ZDHHC21: variants seen among roughly 807,000 people sequenced by gnomAD.
The protein encoded by ZDHHC21 is palmitoyltransferase ZDHHC21.
A neutral mutation model predicts 34.6 loss-of-function variants in ZDHHC21; 15 were observed. The observed-to-expected ratio is 0.43, with a 90% CI of 0.29 to 0.67. The LOEUF is 0.67. ZDHHC21 is among the 30% of genes least tolerant of loss of function. The pLI is 0.14. For synonymous variants in ZDHHC21, 142 were observed against 101.8 expected, an observed-to-expected ratio of 1.40 and a Z score of -2.38; for missense variants, 344 against 327.7, an observed-to-expected ratio of 1.05 and a Z score of -0.38.
chr9:14,683,288 T>C (rs1479783975), intron 2 of ZDHHC21, among the ~76,000 whole-genome samples: 2 of 151,144 alleles, frequency 1.3e-5, no homozygotes, highest in South Asian at 2.1e-4. Context: ...ATCAACAAAA[T>C]TGATAGACCG....
chr9:14,592,468 C>T, the ZDHHC21 span, among the ~76,000 whole-genome samples: 2 of 152,068 alleles, frequency 1.3e-5, no homozygotes, highest in African/African-American at 4.8e-5. Flanking sequence ...GTCAGGACCA[C>T]ATAGCAATTA....
intron 5 of ZDHHC21, among the ~76,000 whole-genome samples, chr9:14,670,596 A>C (rs1254094828): frequency 6.6e-6 from 1 of 151,284 alleles, no homozygotes; most frequent in Non-Finnish European, 1.5e-5. Flanking sequence ...CTTTATAGTA[A>C]AGAAGAATTT....
the ZDHHC21 span, among the ~76,000 whole-genome samples, chr9:14,597,918 T>C: frequency 6.6e-6 from 1 of 152,004 alleles, no homozygotes; most frequent in Non-Finnish European, 1.5e-5. Context: ...ACCATCAACA[T>C]GCCCTCCCCC....
intron 7 of ZDHHC21, among the ~76,000 whole-genome samples, chr9:14,641,187 G>C (rs1829313124): frequency 6.6e-6 from 1 of 152,054 alleles, no homozygotes; most frequent in Admixed American, 6.5e-5. Context: ...GTATTATATT[G>C]AGTCACCACC....
chr9:14,685,068 A>C (rs1838068985), intron 2 of ZDHHC21, among the ~76,000 whole-genome samples: 1 of 152,222 alleles, frequency 6.6e-6, no homozygotes, highest in South Asian at 2.1e-4. Context: ...TGGATTAAAG[A>C]CTTACATGTT....
chr9:14,633,269 C>T (rs1339786595), intron 8 of ZDHHC21, among the ~76,000 whole-genome samples: 2 of 152,168 alleles, frequency 1.3e-5, no homozygotes, highest in East Asian at 1.9e-4. Flanking sequence ...CAAGGACTGA[C>T]AGGAAAGCAA....
chr9:14,592,856 C>T, the ZDHHC21 span, among the ~76,000 whole-genome samples: 1 of 152,194 alleles, frequency 6.6e-6, no homozygotes, highest in Non-Finnish European at 1.5e-5. Flanking sequence ...AAATCAACAG[C>T]AGAAACAAAT....
the ZDHHC21 span, among the ~76,000 whole-genome samples, chr9:14,597,074 C>G: frequency 6.6e-6 from 1 of 152,196 alleles, no homozygotes; most frequent in Non-Finnish European, 1.5e-5. Flanking sequence ...TCAGCCCTCA[C>G]AGGCCCTGAG....
At chr9:14,658,944 G>A in intron 6 of ZDHHC21, 57 bp from the exon 7 acceptor site, 1 of 1,528,612 alleles carries the variant, frequency 6.5e-7, no homozygotes. Context: ...GTTCACCTCA[G>A]GATCAATAAG....
At chr9:14,623,526 C>T (rs1395219219) in intron 8 of ZDHHC21, among the ~76,000 whole-genome samples, 1 of 149,648 alleles carries the variant, frequency 6.7e-6, no homozygotes, top group Non-Finnish European at 1.5e-5. Context: ...GAAATCCTGT[C>T]TCTTAAAAAA....
chr9:14,612,546 C>T lies in ZDHHC21; in HGVS notation c.*6420G>A, dbSNP rs1290495659. ...CATTTTTGTAAAATTAACTACTAAGCAAAATTAGTTTTAAAAATCTTACTC... is the reference window on the plus strand; with the variant it reads ...CATTTTTGTAAAATTAACTACTAAGTAAAATTAGTTTTAAAAATCTTACTC... On this transcript the variant is annotated 3_prime_UTR_variant, in exon 10 of 10. Coordinates refer to ENST00000380916, the MANE Select transcript of ZDHHC21 (RefSeq NM_178566.6). The T allele has an allele frequency of 6.6e-6, 1 of 151,870 alleles. No homozygotes were observed. Among genetic ancestry groups the T allele is most frequent in the Admixed American group, 6.6e-5 (1 of 15,202 alleles). The allele number at this position is 151,870 out of a possible 1,614,324, so 9.4% of individuals were successfully genotyped here.
Position 14,690,404 on chromosome 9 carries a change from A to G in ZDHHC21, c.-224-19T>C, listed in dbSNP as rs1454079602. ...CTTCATTCTGTAATTACAGATAAAA[A>G]GCTTAAAATCAGAAGCTTGGTTGAC... On this transcript the variant is annotated intron_variant, in intron 1 of 9. Transcript: ENST00000380916. 2.2e-6 allele frequency: 1 copy of G among 453,374 alleles called. No individual in the cohort carries two copies. Among genetic ancestry groups the G allele is most frequent in the East Asian group, 7.0e-5 (1 of 14,342 alleles). 28.1% of individuals were successfully genotyped at this position (453,374 alleles called of 1,614,324 possible).
chr9:14,679,524 C>T (rs1837004419), intron 3 of ZDHHC21, among the ~76,000 whole-genome samples: 2 of 152,116 alleles, frequency 1.3e-5, no homozygotes, highest in Admixed American at 1.3e-4. Context: ...ACCAGCCAAA[C>T]TGTTCTCAAT....
intron 2 of ZDHHC21, among the ~76,000 whole-genome samples, chr9:14,689,003 C>T (rs528014135): frequency 2.5e-4 from 38 of 152,258 alleles, no homozygotes; most frequent in African/African-American, 9.1e-4. Flanking sequence ...TGAGCTGTGA[C>T]TGCACTGCAC....
chr9:14,668,530 G>A (rs932045126), intron 5 of ZDHHC21, among the ~76,000 whole-genome samples: 6 of 140,066 alleles, frequency 4.3e-5, no homozygotes, highest in African/African-American at 1.4e-4. Context: ...CCAAAAAAGA[G>A]CCCGCATTGC....
chr9:14,662,184 C>G (rs1472885625), intron 6 of ZDHHC21, 31 bp downstream of exon 6: 1 of 1,509,596 alleles, frequency 6.6e-7, no homozygotes, highest in Admixed American at 2.1e-5. Context: ...ACCCACCCCT[C>G]TTTTCTTTGC....
chr9:14,589,946 T>G, the ZDHHC21 span: 1 of 152,200 alleles, frequency 6.6e-6, no homozygotes, highest in African/African-American at 2.4e-5. Context: ...CAAGGATATG[T>G]GACCATGATG....
chr9:14,692,646 C>G (rs969683213), intron 1 of ZDHHC21, among the ~76,000 whole-genome samples: 1 of 152,116 alleles, frequency 6.6e-6, no homozygotes, highest in Non-Finnish European at 1.5e-5. Flanking sequence ...TTACAGTGAA[C>G]AGTAACAAGT....
intron 8 of ZDHHC21, among the ~76,000 whole-genome samples, chr9:14,621,061 G>T (rs573633598): frequency 6.6e-6 from 1 of 152,144 alleles, no homozygotes; most frequent in South Asian, 2.1e-4. Flanking sequence ...TTCCACATCT[G>T]TAAAGGAAGT....
Sources: allele counts gnomAD v4.1 joint callset (sites outside exome capture counted in the v4.1 genomes callset), GRCh38; gene constraint gnomAD v4.1.1; transcripts MANE v1.5; gene names NCBI Gene and HGNC (gene_info 2026-07-23, HGNC 2026-07-21).